The following HARBI1 variants were observed in gnomAD, a reference collection of about 807,000 sequenced individuals.
HARBI1 encodes the protein harbinger transposase derived 1.
HARBI1 carries 15 observed loss-of-function variants against 25.3 expected under a neutral mutation model. The ratio of observed to expected loss-of-function variants is 0.59; its 90% CI spans 0.40 to 0.91. The LOEUF is 0.91. Ranked by LOEUF, HARBI1 falls within the 40% of genes least tolerant of loss-of-function variation. The probability of loss-of-function intolerance (pLI) is 0.00; values close to 1 mark genes in which losing one functional copy is unlikely to be tolerated. For missense variants in HARBI1, 396 were observed against 445.8 expected (o/e 0.89, Z 1.01); for synonymous variants, 168 against 160.5 (o/e 1.05, Z -0.35).
In HARBI1 at chr11:46,603,584, C is replaced by G; in HGVS notation, c.996G>C (p.Leu332=). ...GACGAATACGGTCAGCCTCTAAGTC[C>G]AGGGACTCCATGTGCTCATACTCCT... ...PEEEYEHMES[L]DLEADRIRQE... The change falls in exon 3 of 3, where the codon CTG becomes CTC. Residue 332 remains leucine, a synonymous_variant. Coordinates refer to ENST00000326737, the MANE Select transcript of HARBI1 (RefSeq NM_173811.4). 6.2e-7 allele frequency: 1 copy of G among 1,613,476 alleles called. No homozygotes were observed. Among genetic ancestry groups the G allele is most frequent in the Non-Finnish European group, 8.5e-7 (1 of 1,179,616 alleles).
intron 2 of HARBI1, among the ~76,000 whole-genome samples, chr11:46,605,434 G>A (rs1009497354): frequency 1.3e-5 from 2 of 151,456 alleles, no homozygotes; most frequent in African/African-American, 2.4e-5. Flanking sequence ...TAAGTCCCGT[G>A]CCCAAACAAT....
At chr11:46,611,057 G>T (rs2045163622) in intron 2 of HARBI1, among the ~76,000 whole-genome samples, 1 of 144,148 alleles carries the variant, frequency 6.9e-6, no homozygotes, top group Non-Finnish European at 1.5e-5. Flanking sequence ...TCCCAGGCTG[G>T]AGTGCAGTGG....
At chr11:46,608,131 T>C (rs2045028131) in intron 2 of HARBI1, among the ~76,000 whole-genome samples, 1 of 152,036 alleles carries the variant, frequency 6.6e-6, no homozygotes, top group Non-Finnish European at 1.5e-5. Context: ...AAGCCCCGTC[T>C]CTACTAAAAT....
intron 2 of HARBI1, among the ~76,000 whole-genome samples, chr11:46,607,184 C>T (rs1032075630): frequency 1.3e-5 from 2 of 151,038 alleles, no homozygotes; most frequent in African/African-American, 4.9e-5. Flanking sequence ...ACTGTTTGAA[C>T]CTGGGAGGTA....
At chr11:46,612,970 A>ATT (rs11301819) in intron 2 of HARBI1, among the ~76,000 whole-genome samples, 4 of 34,742 alleles carry the variant, frequency 1.2e-4, no homozygotes, top group Non-Finnish European at 1.9e-4. Flanking sequence ...CCACACCCGG[A>ATT]TTTTTTTTTT....
intron 2 of HARBI1, among the ~76,000 whole-genome samples, chr11:46,610,698 T>C (rs531404003): frequency 1.3e-5 from 2 of 152,304 alleles, no homozygotes; most frequent in East Asian, 3.9e-4. Context: ...TAAATGTTGC[T>C]ACAGTATCCA....
chr11:46,613,649 A>G (rs991019319), intron 2 of HARBI1, among the ~76,000 whole-genome samples: 7 of 151,756 alleles, frequency 4.6e-5, no homozygotes, highest in Non-Finnish European at 1.0e-4. Flanking sequence ...TGCCCTGATA[A>G]TTTTTGTATT....
intron 1 of HARBI1, chr11:46,616,895 T>A (rs1485426693): frequency 1.0e-6 from 1 of 958,810 alleles, no homozygotes; most frequent in Non-Finnish European, 1.2e-6. Context: ...CTTATGGACG[T>A]ACACTGTGTG....
chr11:46,605,222 T>C (rs2044893050), intron 2 of HARBI1, among the ~76,000 whole-genome samples: 1 of 152,196 alleles, frequency 6.6e-6, no homozygotes, highest in Non-Finnish European at 1.5e-5. Flanking sequence ...CGCTTACATT[T>C]ATTTTTTTGG....
Position 46,615,614 on chromosome 11 carries a change from G to A in HARBI1, c.624C>T (p.Leu208=), listed in dbSNP as rs201216223. ...QDCAVLQQSS[L]SSQFEAGMHK... is the part of the protein sequence containing the mutation. ...GCATACCCGCTTCAAACTGACTACT[G>A]AGGGAAGACTGCTGCAGCACAGCAC... Residue 208 remains leucine (L), a synonymous_variant, in exon 2 of 3, where the codon CTC becomes CTT. Coordinates refer to ENST00000326737, the MANE Select transcript of HARBI1 (RefSeq NM_173811.4). 1 of 1,614,164 alleles carries A rather than the reference G, an allele frequency of 6.2e-7. No individual in the cohort carries two copies. The highest frequency in any genetic ancestry group is 1.7e-5 in the Admixed American group (1 of 60,020).
At chr11:46,606,406 G>C (rs563320306) in intron 2 of HARBI1, among the ~76,000 whole-genome samples, 1 of 151,154 alleles carries the variant, frequency 6.6e-6, no homozygotes, top group Non-Finnish European at 1.5e-5. Flanking sequence ...TCTGCCTCCC[G>C]GGTTGAAGCT....
intron 2 of HARBI1, chr11:46,604,122 T>C (rs2044851101): frequency 2.0e-6 from 2 of 985,232 alleles, no homozygotes; most frequent in Middle Eastern, 5.2e-4. Flanking sequence ...GAGAATGTCG[T>C]TGGTAAAAAT....
rs536492639 is a variant in HARBI1, at chr11:46,615,959, A to G, written c.279T>C (p.Ile93=). 6.2e-7 allele frequency: 1 copy of G among 1,614,076 alleles called. No homozygotes were observed. Among genetic ancestry groups the G allele is most frequent in the African/African-American group, 1.3e-5 (1 of 74,912 alleles). ...GACTCATAGACGCCTGACTGATTCC[A>G]ATGGCATCTCCCATCCGAGTCTGGA... is the stretch of plus-strand genomic sequence containing the variant. The part of the protein sequence containing the change: ...GSFQTRMGDA[I]GISQASMSRC... Residue 93 remains isoleucine (I), a synonymous_variant, in exon 2 of 3, where the codon ATT becomes ATC. Coordinates refer to ENST00000326737, the MANE Select transcript of HARBI1 (RefSeq NM_173811.4).
intron 2 of HARBI1, among the ~76,000 whole-genome samples, chr11:46,614,694 C>T (rs1363534840): frequency 6.6e-6 from 1 of 152,186 alleles, no homozygotes; most frequent in Non-Finnish European, 1.5e-5. Context: ...CTTGCCTTAG[C>T]CTCCCAGATA....
intron 2 of HARBI1, among the ~76,000 whole-genome samples, chr11:46,610,262 A>C (rs1021416173): frequency 2.0e-5 from 3 of 152,072 alleles, no homozygotes; most frequent in Admixed American, 2.0e-4. Context: ...CAAGGCTTCA[A>C]TAAGTTGTGA....
intron 2 of HARBI1, among the ~76,000 whole-genome samples, chr11:46,608,215 T>A (rs1168220276): frequency 6.6e-6 from 1 of 152,128 alleles, no homozygotes; most frequent in Non-Finnish European, 1.5e-5. Flanking sequence ...GGAGAATTGC[T>A]TGAACCCAGG....
chr11:46,616,871 G>C lies in HARBI1; in HGVS notation c.-145+253C>G, dbSNP rs989462529. On this transcript the variant is annotated intron_variant, in intron 1 of 2. Coordinates refer to ENST00000326737, the MANE Select transcript of HARBI1 (RefSeq NM_173811.4). ...AAAAAAAAAAAAAAAAACAACCAAA[G>C]TCCACAACCCAGCCTTATGGACGTA... The C allele has an allele frequency of 3.6e-5, 10 of 274,680 alleles. No individual in the cohort carries two copies. The African/African-American group carries it at 4.2e-4, about 11-fold the overall frequency. The allele number at this position is 274,680 out of a possible 1,614,324, so 17.0% of individuals were successfully genotyped here.
At chr11:46,610,936 A>T (rs1352023433) in intron 2 of HARBI1, among the ~76,000 whole-genome samples, 3 of 151,844 alleles carry the variant, frequency 2.0e-5, no homozygotes, top group Non-Finnish European at 4.4e-5. Context: ...CTGAAACACA[A>T]GCGACTTAAA....
At chr11:46,607,040 G>A (rs998833963) in intron 2 of HARBI1, among the ~76,000 whole-genome samples, 2 of 152,076 alleles carry the variant, frequency 1.3e-5, no homozygotes, top group South Asian at 2.1e-4. Flanking sequence ...TAAGGCAGGC[G>A]GATCACCTGA....
Sources: gnomAD v4.1 joint callset for allele counts (sites outside exome capture counted in the v4.1 genomes callset) on GRCh38, gnomAD v4.1.1 for gene constraint, MANE v1.5 for transcripts, NCBI Gene and HGNC (gene_info 2026-07-23, HGNC 2026-07-21) for gene names.